TANC2: variants seen among roughly 807,000 people sequenced by gnomAD.
TANC2 encodes the protein tetratricopeptide repeat, ankyrin repeat and coiled-coil containing 2.
A neutral mutation model predicts 210.5 loss-of-function variants in TANC2; 26 were observed. That is an observed-to-expected ratio of 0.12 (90% CI 0.09 to 0.17). The LOEUF is 0.17. Ranked by LOEUF, TANC2 falls within the 10% of genes least tolerant of loss-of-function variation. The probability of loss-of-function intolerance (pLI) is 1.00; values close to 1 mark genes in which losing one functional copy is unlikely to be tolerated. For synonymous variants in TANC2, 931 were observed against 967.1 expected (o/e 0.96, Z 0.69); for missense variants, 2,129 against 2,608.9 (o/e 0.82, Z 4.01).
intron 4 of TANC2, among the ~76,000 whole-genome samples, chr17:63,121,257 T>G (rs992616863): frequency 3.3e-5 from 5 of 152,224 alleles, no homozygotes; most frequent in African/African-American, 1.2e-4. Context: ...TTTACCACTG[T>G]AAACTTTGCA....
intron 9 of TANC2, among the ~76,000 whole-genome samples, chr17:63,286,248 C>T (rs1228174789): frequency 6.6e-6 from 1 of 152,122 alleles, no homozygotes; most frequent in Middle Eastern, 3.2e-3. Context: ...TTTCCTTCTG[C>T]CTGAAGGACT....
At chr17:63,237,519 A>C (rs2042653831) in intron 7 of TANC2, among the ~76,000 whole-genome samples, 1 of 152,030 alleles carries the variant, frequency 6.6e-6, no homozygotes, top group Admixed American at 6.6e-5. Flanking sequence ...TTGAAGTCTT[A>C]GTCATAATTT....
intron 7 of TANC2, among the ~76,000 whole-genome samples, chr17:63,217,289 A>G (rs1267314767): frequency 6.6e-6 from 1 of 152,216 alleles, no homozygotes; most frequent in African/African-American, 2.4e-5. Flanking sequence ...AGTAAAATCA[A>G]TAAACCTCTA....
At chr17:63,323,907 G>A (rs72841372) in intron 11 of TANC2, among the ~76,000 whole-genome samples, 21,498 of 152,208 alleles carry the variant, frequency 0.14, 1,965 homozygotes, top group Middle Eastern at 0.21. Flanking sequence ...GAGACCATAA[G>A]CTAGTACATG....
At chr17:63,378,343 T>TAC (rs1161033997) in intron 14 of TANC2, among the ~76,000 whole-genome samples, 1 of 151,808 alleles carries the variant, frequency 6.6e-6, no homozygotes, top group East Asian at 1.9e-4. Flanking sequence ...CACACATACA[T>TAC]ACACACACAC....
chr17:63,312,326 G>T (rs965356312), intron 9 of TANC2, among the ~76,000 whole-genome samples: 13 of 152,180 alleles, frequency 8.5e-5, no homozygotes, highest in African/African-American at 2.9e-4. Context: ...GTGCCCATCA[G>T]TGGTGGATAG....
chr17:63,059,926 A>G (rs2035935586), intron 2 of TANC2, among the ~76,000 whole-genome samples: 1 of 152,176 alleles, frequency 6.6e-6, no homozygotes, highest in Admixed American at 6.5e-5. Context: ...TGGGCACTAG[A>G]CATGTCCACT....
At position 63,089,455 on chromosome 17, in the gene TANC2, T is replaced by C. The variant is rs77140459; in HGVS notation, c.140-9720T>C. Among the ~76,000 whole-genome samples, 51 of 152,276 alleles carry C rather than the reference T, an allele frequency of 3.3e-4. No homozygotes were observed. In the East Asian group the frequency reaches 8.5e-3, roughly 25 times the overall value. ...AATTGAGGGGGAAAGTGGGAAGGGA[T>C]GAAGTCAGAGAAGTTGGAAGGGGAG... is the stretch of plus-strand genomic sequence containing the variant. On this transcript the variant is annotated intron_variant, in intron 3 of 27. Coordinates refer to ENST00000689528, the Ensembl canonical transcript of TANC2.
At chr17:63,058,446 T>TGG (rs2035882513) in intron 2 of TANC2, among the ~76,000 whole-genome samples, 2 of 152,188 alleles carry the variant, frequency 1.3e-5, no homozygotes, top group African/African-American at 4.8e-5. Context: ...TTTATCAATT[T>TGG]TTGCTTTTGT....
At position 63,025,831 on chromosome 17, in the gene TANC2, A is replaced by T. The variant is rs897979972; in HGVS notation, c.67+16205A>T. On this transcript the variant is annotated intron_variant, in intron 2 of 27. Transcript: ENST00000689528. The stretch of plus-strand genomic sequence containing the variant: ...TAAAATAAAATTAAATTAAAATAAA[A>T]TAAAATAAAATAAAATAAAATAAAA... Among the ~76,000 whole-genome samples, 192 of 148,260 alleles carry T rather than the reference A, an allele frequency of 1.3e-3. 1 individual carries two copies. The highest frequency in any genetic ancestry group is 4.3e-3 in the African/African-American group (175 of 40,278).
At chr17:63,349,212 C>A (rs951596878) in intron 12 of TANC2, among the ~76,000 whole-genome samples, 1 of 152,104 alleles carries the variant, frequency 6.6e-6, no homozygotes, top group Non-Finnish European at 1.5e-5. Flanking sequence ...AATAATATAT[C>A]ATCTACTTTA....
intron 5 of TANC2, among the ~76,000 whole-genome samples, chr17:63,173,544 T>C (rs1279786007): frequency 6.6e-6 from 1 of 152,226 alleles, no homozygotes; most frequent in Non-Finnish European, 1.5e-5. Context: ...AACCTGCCTG[T>C]AGCTTCTCCA....
chr17:63,212,287 G>T (rs2041910624), intron 7 of TANC2, among the ~76,000 whole-genome samples: 1 of 152,120 alleles, frequency 6.6e-6, no homozygotes, highest in African/African-American at 2.4e-5. Context: ...GTTCTCTTAA[G>T]TTCTCTATGA....
intron 13 of TANC2, among the ~76,000 whole-genome samples, chr17:63,351,948 T>C (rs2046623696): frequency 6.6e-6 from 1 of 152,072 alleles, no homozygotes; most frequent in African/African-American, 2.4e-5. Flanking sequence ...AAGGTTTTTG[T>C]TGTTGTTGTT....
At chr17:63,215,776 G>A (rs181894804) in intron 7 of TANC2, among the ~76,000 whole-genome samples, 3 of 151,746 alleles carry the variant, frequency 2.0e-5, no homozygotes, top group Admixed American at 6.6e-5. Context: ...CTGAGACGGA[G>A]TCTCACTCTG....
chr17:63,120,148 T>C (rs1035600101), intron 4 of TANC2, among the ~76,000 whole-genome samples: 2 of 152,188 alleles, frequency 1.3e-5, no homozygotes, highest in Admixed American at 6.5e-5. Context: ...AAGTAATCTT[T>C]CTTGACCATA....
intron 2 of TANC2, among the ~76,000 whole-genome samples, chr17:63,034,189 C>G (rs1317281995): frequency 6.6e-6 from 1 of 152,158 alleles, no homozygotes; most frequent in East Asian, 1.9e-4. Context: ...CAGGCTGACT[C>G]TCTTGTTAGG....
At chr17:63,415,737 C>T in intron 26 of TANC2, 63 bp downstream of exon 26, 1 of 1,567,042 alleles carries the variant, frequency 6.4e-7, no homozygotes, top group Non-Finnish European at 8.6e-7. Context: ...GTGTCACTCA[C>T]TAGCTTTTAC....
intron 1 of TANC2, among the ~76,000 whole-genome samples, chr17:62,976,389 A>G (rs529271050): frequency 1.7e-4 from 25 of 151,200 alleles, no homozygotes; most frequent in Middle Eastern, 3.5e-3. Context: ...GCTTTTTGTA[A>G]TCTTTCTTTT....
Sources: allele counts gnomAD v4.1 joint callset (sites outside exome capture counted in the v4.1 genomes callset), GRCh38; gene constraint gnomAD v4.1.1; transcripts MANE v1.5; gene names NCBI Gene and HGNC (gene_info 2026-07-23, HGNC 2026-07-21).